The following DNAH7 variants were observed in gnomAD, a reference collection of about 807,000 sequenced individuals.
DNAH7 encodes axonemal beta dynein heavy chain 7.
DNAH7 carries 397 observed loss-of-function variants against 444.6 expected under a neutral mutation model. That is an observed-to-expected ratio of 0.89 (90% CI 0.82 to 0.97). The LOEUF (loss-of-function observed/expected upper bound fraction) is 0.97. DNAH7 is among the 50% of genes least tolerant of loss of function. The pLI, the probability that DNAH7 is intolerant of heterozygous loss-of-function variation, is 0.00. For missense variants in DNAH7, 4,902 were observed against 4,800.8 expected (o/e 1.02, Z -0.62); for synonymous variants, 1,636 against 1,624.4 (o/e 1.01, Z -0.17).
chr2:195,814,564 A>T (rs1486288958), intron 51 of DNAH7, among the ~76,000 whole-genome samples: 2 of 152,224 alleles, frequency 1.3e-5, no homozygotes, highest in Non-Finnish European at 2.9e-5. Context: ...TGGCAGACCA[A>T]AGAAATTTTC....
At chr2:195,952,136 A>G (rs1690301435) in intron 19 of DNAH7, among the ~76,000 whole-genome samples, 1 of 152,090 alleles carries the variant, frequency 6.6e-6, no homozygotes, top group Non-Finnish European at 1.5e-5. Context: ...GTGTTGACAA[A>G]ATCTCTCAGG....
At chr2:195,853,672 G>A in intron 45 of DNAH7, 144 bp from the exon 46 acceptor site, 4 of 750,320 alleles carry the variant, frequency 5.3e-6, no homozygotes, top group Non-Finnish European at 8.3e-6. Context: ...ATATAGGAAA[G>A]TCCATGATAT....
chr2:195,770,077 C>A (rs1694763734), intron 61 of DNAH7, among the ~76,000 whole-genome samples: 1 of 152,176 alleles, frequency 6.6e-6, no homozygotes, highest in Non-Finnish European at 1.5e-5. Context: ...TGCTCACACA[C>A]ACATCAATCT....
chr2:195,886,035 G>A, intron 34 of DNAH7, 106 bp downstream of exon 34: 1 of 1,340,732 alleles, frequency 7.5e-7, no homozygotes, highest in South Asian at 1.5e-5. Flanking sequence ...CCGTTGACTA[G>A]TCTCCAACTT....
At chr2:196,023,004 C>T (rs1232088737) in intron 8 of DNAH7, among the ~76,000 whole-genome samples, 3 of 151,766 alleles carry the variant, frequency 2.0e-5, no homozygotes, top group Non-Finnish European at 4.4e-5. Flanking sequence ...GGTGCCAGCA[C>T]AGTCCCTGAT....
rs1574661816 is a variant in DNAH7, at chr2:195,884,617, CTTT to C, written c.5728_5730del (p.Lys1910del). 3 of 1,614,080 alleles carry C rather than the reference CTTT, an allele frequency of 1.9e-6. No homozygotes were observed. In the East Asian group the frequency reaches 6.7e-5, roughly 36 times the overall value. On this transcript the variant is annotated inframe_deletion, in exon 35 of 65. Transcript: ENST00000312428. The stretch of plus-strand genomic sequence containing the variant: ...ACAAATTGATAATCATAAATTGTTC[CTTT>C]TTCAGGAAATGGGACAGTTAGTGCC...
Position 195,873,653 on chromosome 2 carries a change from A to G in DNAH7, c.6328T>C (p.Phe2110Leu). The change falls in exon 39 of 65, where the codon TTC becomes CTC. Residue 2110 changes from phenylalanine (F) to leucine (L), a missense_variant. Coordinates refer to ENST00000312428, the MANE Select transcript of DNAH7 (RefSeq NM_018897.3). ...NPVTPRYMRH[F>L]NIITINEFSD... ...AACTCATTGATTGTTATAATATTGA[A>G]ATGTCGCATGTATCGAGGAGTTACT... The G allele has an allele frequency of 6.5e-7, 1 of 1,535,764 alleles. No homozygotes were observed. Among genetic ancestry groups the G allele is most frequent in the Non-Finnish European group, 8.7e-7 (1 of 1,147,698 alleles).
Position 195,960,693 on chromosome 2 carries a change from C to T in DNAH7, c.2458G>A (p.Ala820Thr). Residue 820 changes from alanine to threonine, a missense_variant, in exon 18 of 65, where the codon GCA becomes ACA. Coordinates refer to ENST00000312428, the MANE Select transcript of DNAH7 (RefSeq NM_018897.3). ...CTTACTTTTTTTGTCATTGCCAATG[C>T]ATATGGAGAATCATGAAAGGTTTTC... ...LEKTFHDSPY[A>T]LAMTKKVRSK... 1 of 1,614,212 alleles carries T rather than the reference C, an allele frequency of 6.2e-7. No individual in the cohort carries two copies. Among genetic ancestry groups the T allele is most frequent in the South Asian group, 1.1e-5 (1 of 91,082 alleles).
At chr2:195,891,935 C>T (rs2125227527) in intron 30 of DNAH7, 131 bp from the exon 31 acceptor site, 1 of 624,416 alleles carries the variant, frequency 1.6e-6, no homozygotes, top group Non-Finnish European at 2.5e-6. Flanking sequence ...TTGACAAGGT[C>T]CCAGCATACA....
Position 195,962,733 on chromosome 2 carries a change from C to A in DNAH7, c.2206-1788G>T, listed in dbSNP as rs78485155. Among the ~76,000 whole-genome samples, 4 of 152,222 alleles carry A rather than the reference C, an allele frequency of 2.6e-5. No individual in the cohort carries two copies. In the South Asian group the frequency reaches 8.3e-4, roughly 32 times the overall value. ...ATTTATTCTTACTATTTTTTGTACC[C>A]ACTCAACGTTCCTACTTATCCCCTA... On this transcript the variant is annotated intron_variant, in intron 17 of 64. Coordinates refer to ENST00000312428, the MANE Select transcript of DNAH7 (RefSeq NM_018897.3).
At chr2:196,042,187 A>C (rs1696809380) in intron 5 of DNAH7, among the ~76,000 whole-genome samples, 1 of 151,998 alleles carries the variant, frequency 6.6e-6, no homozygotes, top group Non-Finnish European at 1.5e-5. Flanking sequence ...TAGAATTATT[A>C]GATTGTTGCA....
rs976692404 is a variant in DNAH7, at chr2:196,030,289, T to C, written c.399-2242A>G. On this transcript the variant is annotated intron_variant, in intron 5 of 64. Transcript: ENST00000312428. Reference sequence around the variant, plus strand: ...TGAGACTTACTCACTATCATAGGAATAATATGGGAGAAACCAACCCCATGA... The same window carrying C: ...TGAGACTTACTCACTATCATAGGAACAATATGGGAGAAACCAACCCCATGA... 2.0e-5 allele frequency among the ~76,000 whole-genome samples: 3 copies of C among 152,158 alleles called. No homozygotes were observed. The South Asian group carries it at 6.2e-4, about 32-fold the overall frequency.
At chr2:196,068,141 T>A (rs1385996168) in intron 1 of DNAH7, among the ~76,000 whole-genome samples, 1 of 152,260 alleles carries the variant, frequency 6.6e-6, no homozygotes, top group Non-Finnish European at 1.5e-5. Flanking sequence ...AAGTGCCATA[T>A]GTCACTTACC....
intron 19 of DNAH7, among the ~76,000 whole-genome samples, chr2:195,938,874 A>C (rs1310439704): frequency 2.0e-5 from 3 of 152,164 alleles, no homozygotes; most frequent in Non-Finnish European, 2.9e-5. Context: ...TCATCTTATG[A>C]CTGGCAACTC....
intron 15 of DNAH7, among the ~76,000 whole-genome samples, chr2:195,977,615 A>G (rs192111753): frequency 1.2e-4 from 18 of 152,300 alleles, no homozygotes; most frequent in Non-Finnish European, 2.1e-4. Flanking sequence ...CCAAACCTAG[A>G]GAAAAATATC....
chr2:196,019,110 A>T, intron 9 of DNAH7, 60 bp downstream of exon 9: 3 of 1,352,210 alleles, frequency 2.2e-6, no homozygotes, highest in Non-Finnish European at 2.9e-6. Context: ...AATAATTAAG[A>T]TATAGTAAAA....
intron 29 of DNAH7, among the ~76,000 whole-genome samples, chr2:195,896,998 T>C (rs1400716327): frequency 1.3e-5 from 2 of 152,168 alleles, no homozygotes; most frequent in African/African-American, 4.8e-5. Context: ...TCTGGAAATA[T>C]GTAACACACT....
intron 52 of DNAH7, 77 bp downstream of exon 52, chr2:195,809,668 T>C: frequency 7.9e-7 from 1 of 1,272,752 alleles, no homozygotes. Flanking sequence ...TTTTTATATA[T>C]ATTCCCATAC....
At position 195,900,393 on chromosome 2, in the gene DNAH7, T is replaced by A. The variant is rs764355139; in HGVS notation, c.4437A>T (p.Val1479=). ...ACAAGCGATACGTAGCCACAATTTTTACAGACAGTGGTCGAGCAGTGACAA... is the reference window on the plus strand; with the variant it reads ...ACAAGCGATACGTAGCCACAATTTTAACAGACAGTGGTCGAGCAGTGACAA... ...CGFVTARPLS[V]KIVATYRLCS... The change falls in exon 28 of 65, where the codon GTA becomes GTT. Residue 1479 remains valine, a synonymous_variant. Coordinates refer to ENST00000312428, the MANE Select transcript of DNAH7 (RefSeq NM_018897.3). 2.5e-6 allele frequency: 4 copies of A among 1,613,952 alleles called. No homozygotes were observed. The highest frequency in any genetic ancestry group is 3.4e-6 in the Non-Finnish European group (4 of 1,179,948).
Sources: gnomAD v4.1 joint callset for allele counts (sites outside exome capture counted in the v4.1 genomes callset) on GRCh38, gnomAD v4.1.1 for gene constraint, MANE v1.5 for transcripts, NCBI Gene and HGNC (gene_info 2026-07-23, HGNC 2026-07-21) for gene names.